Variants in SHANK2 observed in about 807,000 individuals in gnomAD.
SHANK2 encodes the protein SH3 and multiple ankyrin repeat domains 2, also known as SH3 and multiple ankyrin repeat domains protein 2.
In SHANK2, 43 loss-of-function variants were observed where a neutral mutation model predicts 133.7. That is an observed-to-expected ratio of 0.32 (90% CI 0.25 to 0.41). The LOEUF (loss-of-function observed/expected upper bound fraction) is 0.41. Ranked by LOEUF, SHANK2 falls within the 10% of genes least tolerant of loss-of-function variation. SHANK2 has a pLI of 1.00. For synonymous variants in SHANK2, 1,017 were observed against 952.8 expected, an observed-to-expected ratio of 1.07 and a Z score of -1.24; for missense variants, 1,994 against 2,235.8, an observed-to-expected ratio of 0.89 and a Z score of 2.18.
chr11:70,680,187 C>G (rs1377922609), intron 15 of SHANK2, among the ~76,000 whole-genome samples: 1 of 152,160 alleles, frequency 6.6e-6, no homozygotes, highest in Non-Finnish European at 1.5e-5. Context: ...TAATGTCGGC[C>G]AAAACAGCCT....
chr11:70,632,803 T>C (rs1478366856), intron 17 of SHANK2, among the ~76,000 whole-genome samples: 1 of 152,116 alleles, frequency 6.6e-6, no homozygotes, highest in African/African-American at 2.4e-5. Context: ...AACAAGGTCA[T>C]GTTGATCTGG....
At chr11:70,550,124 C>A (rs530554) in intron 17 of SHANK2, among the ~76,000 whole-genome samples, 3 of 152,224 alleles carry the variant, frequency 2.0e-5, no homozygotes, top group Non-Finnish European at 2.9e-5. Context: ...CTACTCCTGC[C>A]TGGGGTTCCT....
intron 14 of SHANK2, among the ~76,000 whole-genome samples, chr11:70,796,577 T>C (rs1947919804): frequency 1.3e-5 from 2 of 152,190 alleles, no homozygotes. Context: ...CTCCAGGGCC[T>C]GGCCCTTCTC....
At chr11:71,193,719 CAG>C (rs1275214740) in intron 2 of SHANK2, among the ~76,000 whole-genome samples, 47 of 152,332 alleles carry the variant, frequency 3.1e-4, no homozygotes, top group African/African-American at 9.9e-4. Context: ...CCTGAAACCA[CAG>C]AGACACGCTG....
chr11:70,530,790 T>C (rs1437818495), intron 17 of SHANK2, among the ~76,000 whole-genome samples: 3 of 152,006 alleles, frequency 2.0e-5, no homozygotes, highest in Non-Finnish European at 2.9e-5. Context: ...ACAGTGTTTA[T>C]TGGGAAGATG....
At chr11:70,502,024 G>A (rs1180678170) in intron 19 of SHANK2, 93 bp from the exon 20 acceptor site, 20 of 1,429,864 alleles carry the variant, frequency 1.4e-5, no homozygotes, top group Admixed American at 1.2e-4. Context: ...GCGAGGCTCC[G>A]AGGGAGGTGC....
chr11:70,646,671 G>C (rs1360117267), intron 17 of SHANK2, among the ~76,000 whole-genome samples: 3 of 152,184 alleles, frequency 2.0e-5, no homozygotes, highest in Non-Finnish European at 2.9e-5. Flanking sequence ...CTTGGTAGAT[G>C]TGTGTAACCC....
intron 17 of SHANK2, among the ~76,000 whole-genome samples, chr11:70,505,957 G>A (rs1370175744): frequency 6.6e-6 from 1 of 152,222 alleles, no homozygotes; most frequent in African/African-American, 2.4e-5. Flanking sequence ...GGCCAGAGCT[G>A]GCCCTTGGCC....
chr11:70,542,374 CCA>C (rs2059633736), intron 17 of SHANK2, among the ~76,000 whole-genome samples: 1 of 152,148 alleles, frequency 6.6e-6, no homozygotes, highest in Non-Finnish European at 1.5e-5. Context: ...TGGCTAGCAG[CCA>C]AGGAATACCG....
chr11:70,811,772 C>G (rs1948285404), intron 12 of SHANK2, among the ~76,000 whole-genome samples: 1 of 151,840 alleles, frequency 6.6e-6, no homozygotes, highest in Non-Finnish European at 1.5e-5. Context: ...CACCATCCAG[C>G]CATCCATCCA....
At chr11:70,833,007 G>A (rs1023066876) in intron 11 of SHANK2, among the ~76,000 whole-genome samples, 9 of 152,042 alleles carry the variant, frequency 5.9e-5, no homozygotes, top group Non-Finnish European at 8.8e-5. Flanking sequence ...CGTCCTCAGC[G>A]TCCTCACTGC....
chr11:71,064,122 G>C (rs1042481182), intron 9 of SHANK2, among the ~76,000 whole-genome samples: 1 of 152,168 alleles, frequency 6.6e-6, no homozygotes, highest in East Asian at 1.9e-4. Flanking sequence ...GCCACTCATC[G>C]ATGCATGCAG....
At chr11:70,801,322 C>G (rs551653676) in intron 13 of SHANK2, among the ~76,000 whole-genome samples, 2 of 152,306 alleles carry the variant, frequency 1.3e-5, no homozygotes, top group Admixed American at 6.5e-5. Context: ...GGGGTCCCCC[C>G]AACACGGGGA....
rs536698096 is a variant in SHANK2, at chr11:71,172,682, G to C, written c.-12-25344C>G. Reference sequence around the variant, plus strand: ...CTTCCCGTGTTTCCAATGGCCTCTTGGGAAATGATCCTGAGAGGGGAATAA... The same window carrying C: ...CTTCCCGTGTTTCCAATGGCCTCTTCGGAAATGATCCTGAGAGGGGAATAA... On this transcript the variant is annotated intron_variant, in intron 2 of 25. Transcript: ENST00000601538. Among the ~76,000 whole-genome samples the C allele has an allele frequency of 5.3e-5, 8 of 152,058 alleles. No homozygotes were observed. The East Asian group carries it at 1.5e-3, about 29-fold the overall frequency.
chr11:70,502,731 G>GACC, intron 18 of SHANK2, 65 bp downstream of exon 18: 1 of 700,462 alleles, frequency 1.4e-6, no homozygotes, highest in South Asian at 1.6e-5. Context: ...CAGCTGTCCT[G>GACC]CCCGCCCCCA....
At chr11:70,768,795 C>T (rs958691387) in intron 14 of SHANK2, among the ~76,000 whole-genome samples, 1 of 152,092 alleles carries the variant, frequency 6.6e-6, no homozygotes, top group Non-Finnish European at 1.5e-5. Context: ...GAGGGTGAGG[C>T]CAAGGACTTG....
chr11:70,580,804 A>G (rs2060174909), intron 17 of SHANK2, among the ~76,000 whole-genome samples: 1 of 152,232 alleles, frequency 6.6e-6, no homozygotes, highest in Non-Finnish European at 1.5e-5. Context: ...CTGAGACCAC[A>G]AAGCCTGTGC....
intron 14 of SHANK2, among the ~76,000 whole-genome samples, chr11:70,736,485 A>T (rs1463176184): frequency 6.6e-6 from 1 of 152,124 alleles, no homozygotes; most frequent in African/African-American, 2.4e-5. Context: ...AGAAGAGAAG[A>T]CACAGACACA....
At chr11:70,633,382 T>C (rs485836) in intron 17 of SHANK2, among the ~76,000 whole-genome samples, 1 of 150,618 alleles carries the variant, frequency 6.6e-6, no homozygotes, top group Non-Finnish European at 1.5e-5. Flanking sequence ...ACAGGGAGAG[T>C]GAAAAAGACC....
Sources: allele counts gnomAD v4.1 joint callset (sites outside exome capture counted in the v4.1 genomes callset), GRCh38; gene constraint gnomAD v4.1.1; transcripts MANE v1.5; gene names NCBI Gene and HGNC (gene_info 2026-07-23, HGNC 2026-07-21).